The following ADGRB3 variants were observed in gnomAD, a reference collection of about 807,000 sequenced individuals.
ADGRB3 encodes the protein brain-specific angiogenesis inhibitor 3.
Under a neutral mutation model 193.4 loss-of-function variants are expected in ADGRB3, and 37 were observed. That is an observed-to-expected ratio of 0.19 (90% CI 0.15 to 0.25). ADGRB3 has a LOEUF of 0.25. Ranked by LOEUF, ADGRB3 falls within the 10% of genes least tolerant of loss-of-function variation. The probability of loss-of-function intolerance (pLI) is 1.00; values close to 1 mark genes in which losing one functional copy is unlikely to be tolerated. For synonymous variants in ADGRB3, 690 were observed against 644.2 expected, an observed-to-expected ratio of 1.07 and a Z score of -1.08; for missense variants, 1,637 against 1,852.9, an observed-to-expected ratio of 0.88 and a Z score of 2.14.
chr6:68,981,845 GTTATTTATTTATTTATTTAT>G (rs3043275), intron 10 of ADGRB3, among the ~76,000 whole-genome samples: 2,820 of 139,720 alleles, frequency 0.02, 99 homozygotes, highest in African/African-American at 0.069. Flanking sequence ...TACCTATTTT[GTTATTTATTTATTTATTTAT>G]TTATTTATTT....
intron 17 of ADGRB3, among the ~76,000 whole-genome samples, chr6:69,120,450 T>C (rs1314956058): frequency 6.6e-6 from 1 of 152,210 alleles, no homozygotes; most frequent in Non-Finnish European, 1.5e-5. Context: ...CAGGGACTAC[T>C]TTTCCAGAAT....
chr6:68,775,426 G>T (rs1387147883), intron 3 of ADGRB3, among the ~76,000 whole-genome samples: 3 of 152,196 alleles, frequency 2.0e-5, no homozygotes, highest in Admixed American at 2.0e-4. Context: ...TCTTTTTTCA[G>T]GGAGAAGACA....
chr6:69,111,359 T>C (rs1461648983), intron 17 of ADGRB3, among the ~76,000 whole-genome samples: 1 of 152,192 alleles, frequency 6.6e-6, no homozygotes, highest in East Asian at 1.9e-4. Flanking sequence ...TACATGTCTT[T>C]AGTCTGTCTG....
intron 3 of ADGRB3, among the ~76,000 whole-genome samples, chr6:68,875,478 C>A (rs1490308375): frequency 6.6e-6 from 1 of 151,686 alleles, no homozygotes; most frequent in Non-Finnish European, 1.5e-5. Flanking sequence ...CATCTAGCAA[C>A]AAATGCACAT....
chr6:68,993,854 G>C lies in ADGRB3; in HGVS notation c.1821G>C (p.Gln607His). 1 of 1,614,018 alleles carries C rather than the reference G, an allele frequency of 6.2e-7. No individual in the cohort carries two copies. The highest frequency in any genetic ancestry group is 1.7e-5 in the Admixed American group (1 of 60,014). Residue 607 changes from glutamine to histidine, a missense_variant, in exon 11 of 32, where the codon CAG becomes CAC. Gln to His is a conservative substitution (Grantham distance 24, BLOSUM62 0). Around this residue, in one of 7 missense-constraint regions of ADGRB3, gnomAD observed 641 missense variants for 673.9 expected, o/e 0.95. Transcript: ENST00000370598. ...QVTKTLLDLTQRKNFYAGDLL... is the reference protein window; with the variant it reads ...QVTKTLLDLTHRKNFYAGDLL... ...CCAAGACACTGTTGGATTTAACTCA[G>C]AGAAAAAATTTCTATGCAGGCGATC... is the stretch of plus-strand genomic sequence containing the variant.
At chr6:69,244,320 A>G (rs1766445099) in intron 20 of ADGRB3, among the ~76,000 whole-genome samples, 1 of 152,074 alleles carries the variant, frequency 6.6e-6, no homozygotes, top group South Asian at 2.1e-4. Context: ...GGGCCAAACT[A>G]GTAGGTTATA....
rs534319992 is a variant in ADGRB3 at position 68,661,016 on chromosome 6, A to G, written c.757+21584A>G. On this transcript the variant is annotated intron_variant, in intron 3 of 31. Coordinates refer to ENST00000370598, the MANE Select transcript of ADGRB3 (RefSeq NM_001704.3). ...TTTATAAATATATAATTACTAACAT[A>G]TATAAAGCATCACAGTGAAGTAGTA... 7.4e-4 allele frequency among the ~76,000 whole-genome samples: 112 copies of G among 150,734 alleles called. 1 individual carries two copies. The highest frequency in any genetic ancestry group is 1.7e-3 in the South Asian group (8 of 4,820).
chr6:69,192,571 CT>C (rs1363602239), intron 17 of ADGRB3, among the ~76,000 whole-genome samples: 1 of 152,060 alleles, frequency 6.6e-6, no homozygotes, highest in East Asian at 1.9e-4. Flanking sequence ...TGTATATGAG[CT>C]TTTTTCTTAT....
chr6:69,056,571 C>G (rs1469060379), intron 15 of ADGRB3, among the ~76,000 whole-genome samples: 4 of 152,072 alleles, frequency 2.6e-5, no homozygotes, highest in African/African-American at 9.7e-5. Flanking sequence ...ATGTATTTCT[C>G]TATGTTTTCT....
At chr6:69,005,358 T>C (rs1200875003) in intron 11 of ADGRB3, among the ~76,000 whole-genome samples, 1 of 151,582 alleles carries the variant, frequency 6.6e-6, no homozygotes, top group Non-Finnish European at 1.5e-5. Flanking sequence ...AACTCAGAGG[T>C]ACTGAGAGCG....
chr6:68,638,987 G>T lies in ADGRB3; in HGVS notation c.312G>T (p.Lys104Asn), dbSNP rs764728357. ...SHEKIKDLLR[K>N]NHSIMQLCNS... ...AAAAAATAAAGGATCTTTTAAGAAA[G>T]AATCATTCTATAATGCAACTCTGCA... is the stretch of plus-strand genomic sequence containing the variant. The change falls in exon 3 of 32, where the codon AAG (lysine) becomes AAT (asparagine). Residue 104 changes from lysine (K) to asparagine (N), a missense_variant. Lys to Asn is a moderately conservative substitution (Grantham distance 94, BLOSUM62 0). Transcript: ENST00000370598. 11 of 1,613,692 alleles carry T rather than the reference G, an allele frequency of 6.8e-6. No individual in the cohort carries two copies. In the South Asian group the frequency reaches 9.9e-5, roughly 15 times the overall value.
At chr6:69,032,916 C>G (rs1424201114) in intron 13 of ADGRB3, among the ~76,000 whole-genome samples, 1 of 152,094 alleles carries the variant, frequency 6.6e-6, no homozygotes. Context: ...ATATATTTAG[C>G]ACATACAAAC....
At chr6:69,184,237 C>G (rs922735211) in intron 17 of ADGRB3, among the ~76,000 whole-genome samples, 1 of 151,980 alleles carries the variant, frequency 6.6e-6, no homozygotes, top group Non-Finnish European at 1.5e-5. Flanking sequence ...AAAAGTGTCC[C>G]CATCAGCTGG....
chr6:69,246,198 C>T (rs1343686559), intron 20 of ADGRB3, among the ~76,000 whole-genome samples: 1 of 152,060 alleles, frequency 6.6e-6, no homozygotes, highest in East Asian at 1.9e-4. Flanking sequence ...TGCGTAGTTA[C>T]AATTCTTCTC....
intron 5 of ADGRB3, among the ~76,000 whole-genome samples, chr6:68,939,911 CA>C (rs1236608133): frequency 1.3e-5 from 2 of 151,968 alleles, no homozygotes; most frequent in African/African-American, 2.4e-5. Flanking sequence ...AATAAATGAA[CA>C]AATTGAATAT....
chr6:69,271,174 G>A (rs181005345), intron 20 of ADGRB3, among the ~76,000 whole-genome samples: 3 of 152,280 alleles, frequency 2.0e-5, no homozygotes, highest in Non-Finnish European at 2.9e-5. Context: ...AAAGCTGAAC[G>A]ATAAGGAAAG....
chr6:69,194,869 T>C (rs1001321227), intron 17 of ADGRB3, among the ~76,000 whole-genome samples: 3 of 152,146 alleles, frequency 2.0e-5, no homozygotes, highest in Admixed American at 1.3e-4. Context: ...TCCAGGATTA[T>C]GAGACTTTCA....
chr6:69,100,686 T>C (rs1267114408), intron 17 of ADGRB3, among the ~76,000 whole-genome samples: 1 of 151,702 alleles, frequency 6.6e-6, no homozygotes. Context: ...AAAAGACAAC[T>C]TAAAAATATG....
At chr6:69,040,381 C>CTTTCTTTTTT (rs1383554780) in intron 13 of ADGRB3, among the ~76,000 whole-genome samples, 1 of 56,050 alleles carries the variant, frequency 1.8e-5, no homozygotes, top group South Asian at 7.6e-4. Context: ...TTCTTTCCTT[C>CTTTCTTTTTT]TCTCTCTTTC....
Sources: gnomAD v4.1 joint callset for allele counts (sites outside exome capture counted in the v4.1 genomes callset) on GRCh38, gnomAD v4.1.1 for gene constraint, gnomAD v4.1.1 regional missense constraint, MANE v1.5 for transcripts, NCBI Gene and HGNC (gene_info 2026-07-23, HGNC 2026-07-21) for gene names.